The following DAB1 variants were observed in gnomAD, a reference collection of about 807,000 sequenced individuals.
The protein encoded by DAB1 is disabled homolog 1.
DAB1 carries 15 observed loss-of-function variants against 64.6 expected under a neutral mutation model. The observed-to-expected ratio is 0.23, with a 90% CI of 0.16 to 0.36. The LOEUF (loss-of-function observed/expected upper bound fraction) is 0.36, where lower values mean the gene tolerates loss of function less well. Ranked by LOEUF, DAB1 falls within the 10% of genes least tolerant of loss-of-function variation. The pLI is 1.00. For missense variants in DAB1, 596 were observed against 706.7 expected (o/e 0.84, Z 1.78); for synonymous variants, 235 against 251.9 (o/e 0.93, Z 0.64).
chr1:57,400,993 T>TAAAAAAAAAA (rs11462115), intron 1 of DAB1, among the ~76,000 whole-genome samples: 1 of 137,880 alleles, frequency 7.3e-6, no homozygotes. Context: ...AGCTCTCTCT[T>TAAAAAAAAAA]AAAAAAAAAA....
chr1:57,369,542 G>A (rs1253272523), intron 1 of DAB1, among the ~76,000 whole-genome samples: 1 of 152,124 alleles, frequency 6.6e-6, no homozygotes, highest in Non-Finnish European at 1.5e-5. Context: ...CTACAAAGTG[G>A]TTATAGAGGA....
At chr1:58,057,612 G>C (rs983944341) in intron 5 of DAB1, among the ~76,000 whole-genome samples, 1 of 152,198 alleles carries the variant, frequency 6.6e-6, no homozygotes, top group East Asian at 1.9e-4. Context: ...GCTAGCAACT[G>C]CTAGAAGATA....
At chr1:57,697,258 A>C (rs1646855799) in intron 6 of DAB1, among the ~76,000 whole-genome samples, 1 of 152,092 alleles carries the variant, frequency 6.6e-6, no homozygotes, top group Non-Finnish European at 1.5e-5. Context: ...AATCAATCAA[A>C]ATTTAGAATC....
chr1:58,487,024 G>A (rs184392703), intron 3 of DAB1, among the ~76,000 whole-genome samples: 1 of 152,202 alleles, frequency 6.6e-6, no homozygotes, highest in South Asian at 2.1e-4. Flanking sequence ...TTTAACCAAG[G>A]AAAGGACATT....
At chr1:57,696,365 GAAGTT>G (rs1646845620) in intron 6 of DAB1, among the ~76,000 whole-genome samples, 1 of 151,912 alleles carries the variant, frequency 6.6e-6, no homozygotes, top group African/African-American at 2.4e-5. Context: ...GGGCAGAGGG[GAAGTT>G]GAACTGTGGT....
intron 6 of DAB1, among the ~76,000 whole-genome samples, chr1:57,764,920 T>C (rs1649243889): frequency 6.6e-6 from 1 of 152,176 alleles, no homozygotes; most frequent in African/African-American, 2.4e-5. Flanking sequence ...AATCAGAGAA[T>C]GTGAGATTTA....
intron 1 of DAB1, among the ~76,000 whole-genome samples, chr1:57,356,040 T>C (rs377360132): frequency 8.5e-5 from 13 of 152,246 alleles, no homozygotes; most frequent in African/African-American, 2.4e-4. Flanking sequence ...ATTAATTTTA[T>C]TTATTGTCTA....
intron 2 of DAB1, among the ~76,000 whole-genome samples, chr1:57,289,097 A>AT (rs1424138991): frequency 6.6e-6 from 1 of 152,174 alleles, no homozygotes; most frequent in African/African-American, 2.4e-5. Flanking sequence ...TATTATGTTG[A>AT]TTTCAGAGTT....
chr1:58,504,722 T>G (rs1189573918), intron 3 of DAB1, among the ~76,000 whole-genome samples: 1 of 152,210 alleles, frequency 6.6e-6, no homozygotes, highest in Non-Finnish European at 1.5e-5. Flanking sequence ...CACTAGAGTT[T>G]CTTATCCCAA....
chr1:57,907,592 C>G (rs1287253095), intron 5 of DAB1, among the ~76,000 whole-genome samples: 8 of 152,130 alleles, frequency 5.3e-5, no homozygotes, highest in Non-Finnish European at 1.0e-4. Context: ...GATGCTCTTT[C>G]TCGCCTCATA....
At chr1:57,507,038 A>C (rs1644351883) in intron 7 of DAB1, among the ~76,000 whole-genome samples, 1 of 151,926 alleles carries the variant, frequency 6.6e-6, no homozygotes, top group Admixed American at 6.6e-5. Flanking sequence ...CCATCCTTCC[A>C]CTGGTTTAAT....
intron 3 of DAB1, among the ~76,000 whole-genome samples, chr1:58,409,253 G>C (rs559875105): frequency 6.6e-6 from 1 of 152,086 alleles, no homozygotes; most frequent in Admixed American, 6.5e-5. Context: ...CCATTCCAAG[G>C]AGGCATTTAC....
intron 7 of DAB1, among the ~76,000 whole-genome samples, chr1:57,551,418 T>C (rs2691470): frequency 0.25 from 37,293 of 152,140 alleles, 4,872 homozygotes; most frequent in South Asian, 0.41. Flanking sequence ...ATAATGATGA[T>C]GGATGAATAA....
At position 58,431,558 on chromosome 1, in the gene DAB1, G is replaced by GAAA. The variant is rs66832530; in HGVS notation, n.257+74499_257+74501dup. ...GGGCAATAGAGCGAGACTCCATCTG[G>GAAA]AAAAAAAAAAAAAAAAAAAAGGGAG... On this transcript the variant is annotated intron_variant and non_coding_transcript_variant, in intron 3 of 20. Transcript: ENST00000485760. Among the ~76,000 whole-genome samples, 50 of 76,266 alleles carry GAAA rather than the reference G, an allele frequency of 6.6e-4. 1 individual carries two copies. The highest frequency in any genetic ancestry group is 2.4e-3 in the African/African-American group (48 of 20,044). The allele number at this position is 76,266 out of a possible 152,430, so 50.0% of individuals were successfully genotyped here. A position where few individuals can be genotyped will look rare whatever the true frequency, so the allele number is the denominator to read the frequency against.
At chr1:57,633,199 A>T (rs1646012069) in intron 7 of DAB1, among the ~76,000 whole-genome samples, 1 of 152,154 alleles carries the variant, frequency 6.6e-6, no homozygotes, top group South Asian at 2.1e-4. Flanking sequence ...CTGTTGTCTA[A>T]CACTACAGGG....
At chr1:57,293,603 T>A (rs1672959614) in intron 1 of DAB1, among the ~76,000 whole-genome samples, 1 of 152,206 alleles carries the variant, frequency 6.6e-6, no homozygotes, top group Non-Finnish European at 1.5e-5. Context: ...ACCGAAAGTC[T>A]GTATTATCTC....
chr1:57,002,500 C>A (rs1165993516), intron 14 of DAB1, among the ~76,000 whole-genome samples: 1 of 152,174 alleles, frequency 6.6e-6, no homozygotes, highest in Non-Finnish European at 1.5e-5. Flanking sequence ...GGGGGTAATT[C>A]TGTGATTATC....
At chr1:57,151,044 G>A (rs540863987) in intron 2 of DAB1, among the ~76,000 whole-genome samples, 7 of 152,190 alleles carry the variant, frequency 4.6e-5, no homozygotes, top group East Asian at 1.9e-4. Context: ...ATGGGTCTGC[G>A]GTGAGCCAGG....
Position 58,053,264 on chromosome 1 carries a change from T to C in DAB1, n.387+97247A>G, listed in dbSNP as rs528423144. Among the ~76,000 whole-genome samples, 8 of 152,302 alleles carry C rather than the reference T, an allele frequency of 5.3e-5. No individual in the cohort carries two copies. In the South Asian group the frequency reaches 1.2e-3, roughly 24 times the overall value. Reference sequence around the variant, plus strand: ...TGAAGGAATACCTGAGGCTGGATAATTTGTAAAGAGAAAAGGTTCATTTGG... The same window carrying C: ...TGAAGGAATACCTGAGGCTGGATAACTTGTAAAGAGAAAAGGTTCATTTGG... On this transcript the variant is annotated intron_variant and non_coding_transcript_variant, in intron 5 of 20. Coordinates refer to the DAB1 transcript ENST00000485760.
Sources: allele counts gnomAD v4.1 joint callset (sites outside exome capture counted in the v4.1 genomes callset), GRCh38; gene constraint gnomAD v4.1.1; transcripts MANE v1.5; gene names NCBI Gene and HGNC (gene_info 2026-07-23, HGNC 2026-07-21).